GRK7: variants seen among roughly 807,000 people sequenced by gnomAD.
GRK7 encodes the protein rhodopsin kinase GRK7.
Under a neutral mutation model 34.1 loss-of-function variants are expected in GRK7, and 24 were observed. That is an observed-to-expected ratio of 0.70 (90% CI 0.51 to 0.99). The LOEUF (loss-of-function observed/expected upper bound fraction) is 0.99, where lower values mean the gene tolerates loss of function less well. Ranked by LOEUF, GRK7 falls within the 50% of genes least tolerant of loss-of-function variation. The pLI is 0.00. For synonymous variants in GRK7, 256 were observed against 279.4 expected (o/e 0.92, Z 0.84); for missense variants, 644 against 707.3 (o/e 0.91, Z 1.02).
intron 3 of GRK7, among the ~76,000 whole-genome samples, chr3:141,779,983 A>G (rs920013065): frequency 5.3e-5 from 8 of 152,216 alleles, no homozygotes; most frequent in Admixed American, 4.6e-4. Context: ...TTCATGCACA[A>G]GTATTTGTTT....
chr3:141,813,484 A>T (rs990142776), intron 5 of GRK7, among the ~76,000 whole-genome samples: 1 of 152,134 alleles, frequency 6.6e-6, no homozygotes, highest in Non-Finnish European at 1.5e-5. Flanking sequence ...AAGGCTCTTA[A>T]CCTACAAGAT....
chr3:141,772,435 C>T lies in GRK7; in HGVS notation c.-214-2145C>T, dbSNP rs527381361. ...GCTAATGTATTAGTCTGCTTCAGAA[C>T]TTACACTGCTCAAAATAGCTTCTCT... On this transcript the variant is annotated intron_variant, in intron 1 of 5. Transcript: ENST00000682958. Among the ~76,000 whole-genome samples the T allele has an allele frequency of 2.1e-3, 325 of 152,314 alleles. 2 individuals carry two copies. The highest frequency in any genetic ancestry group is 9.7e-3 in the South Asian group (47 of 4,828).
upstream of GRK7, among the ~76,000 whole-genome samples, chr3:141,763,117 G>A (rs956414986): frequency 5.9e-5 from 9 of 152,332 alleles, no homozygotes; most frequent in South Asian, 2.1e-4. Flanking sequence ...GCTGTAGACC[G>A]GAGCTGTTCC....
At chr3:141,753,078 C>T in the GRK7 span, among the ~76,000 whole-genome samples, 3 of 152,206 alleles carry the variant, frequency 2.0e-5, no homozygotes, top group Non-Finnish European at 2.9e-5. Context: ...TAATACCTGC[C>T]TAAGATGACA....
At chr3:141,800,920 C>T (rs991995338) in intron 4 of GRK7, among the ~76,000 whole-genome samples, 1 of 152,102 alleles carries the variant, frequency 6.6e-6, no homozygotes, top group African/African-American at 2.4e-5. Flanking sequence ...GAACTGTACA[C>T]GTTATTGTAT....
intron 4 of GRK7, among the ~76,000 whole-genome samples, chr3:141,792,104 A>T (rs2084727254): frequency 6.7e-6 from 1 of 149,836 alleles, no homozygotes; most frequent in Non-Finnish European, 1.5e-5. Flanking sequence ...GGGAAGATAG[A>T]ACTTAATAAA....
At chr3:141,763,134 G>A (rs563526356), upstream of GRK7, among the ~76,000 whole-genome samples, 8 of 152,320 alleles carry the variant, frequency 5.3e-5, no homozygotes, top group Admixed American at 5.2e-4. Flanking sequence ...TTCCTATTCG[G>A]CCATCTTGGC....
chr3:141,754,362 G>GA, the GRK7 span, among the ~76,000 whole-genome samples: 1 of 151,460 alleles, frequency 6.6e-6, no homozygotes, highest in Non-Finnish European at 1.5e-5. Context: ...ATGTTCTTGG[G>GA]AAAAAGGATT....
At chr3:141,784,949 C>T (rs550342069) in intron 4 of GRK7, among the ~76,000 whole-genome samples, 4 of 152,342 alleles carry the variant, frequency 2.6e-5, no homozygotes, top group Admixed American at 1.3e-4. Context: ...CTCAGCCCCA[C>T]GCGATGCCCT....
intron 4 of GRK7, among the ~76,000 whole-genome samples, chr3:141,799,158 T>C (rs1204704276): frequency 6.6e-6 from 1 of 152,114 alleles, no homozygotes; most frequent in Non-Finnish European, 1.5e-5. Context: ...GGGAAACATC[T>C]TTAGCAAGAA....
At chr3:141,758,777 C>T (rs1459161087), upstream of GRK7, among the ~76,000 whole-genome samples, 1 of 149,404 alleles carries the variant, frequency 6.7e-6, no homozygotes, top group Non-Finnish European at 1.5e-5. Flanking sequence ...TTGATTCTTC[C>T]AACCCATGAG....
At chr3:141,793,878 G>C (rs2084737335) in intron 4 of GRK7, among the ~76,000 whole-genome samples, 1 of 152,164 alleles carries the variant, frequency 6.6e-6, no homozygotes, top group Admixed American at 6.5e-5. Flanking sequence ...ACCAGCCATA[G>C]GGTTTGGATT....
intron 5 of GRK7, among the ~76,000 whole-genome samples, chr3:141,812,785 C>T (rs372233151): frequency 3.3e-5 from 5 of 152,106 alleles, no homozygotes; most frequent in African/African-American, 7.2e-5. Context: ...GCAAGTCTCC[C>T]GAGTTACCAA....
At chr3:141,763,089 G>C (rs1267013691), upstream of GRK7, among the ~76,000 whole-genome samples, 1 of 152,250 alleles carries the variant, frequency 6.6e-6, no homozygotes. Context: ...CCCGTCTTCT[G>C]TGTCGCTCAC....
chr3:141,758,938 A>G (rs1192009876), upstream of GRK7, among the ~76,000 whole-genome samples: 1 of 145,998 alleles, frequency 6.8e-6, no homozygotes, highest in Non-Finnish European at 1.5e-5. Context: ...GAGTTCACTC[A>G]TGATTTGGCT....
intron 4 of GRK7, among the ~76,000 whole-genome samples, chr3:141,785,938 C>A (rs1471187214): frequency 7.4e-5 from 10 of 135,834 alleles, no homozygotes; most frequent in South Asian, 2.4e-4. Context: ...TACCCTGTCT[C>A]AAAAAAAAAA....
chr3:141,782,914 T>C (rs1029361872), intron 4 of GRK7, among the ~76,000 whole-genome samples: 4 of 152,104 alleles, frequency 2.6e-5, no homozygotes, highest in Non-Finnish European at 5.9e-5. Context: ...AAAACCCAAA[T>C]AACAATAGAT....
chr3:141,776,331 A>G (rs2084638750), intron 2 of GRK7, among the ~76,000 whole-genome samples: 1 of 152,142 alleles, frequency 6.6e-6, no homozygotes, highest in South Asian at 2.1e-4. Flanking sequence ...AAATATGTAT[A>G]TATCTGTGAT....
chr3:141,768,546 C>T (rs956185007), intron 1 of GRK7, among the ~76,000 whole-genome samples: 7 of 152,236 alleles, frequency 4.6e-5, no homozygotes, highest in African/African-American at 1.7e-4. Context: ...TCCCAAAATG[C>T]TAGGATTACA....
Sources: allele counts gnomAD v4.1 joint callset (sites outside exome capture counted in the v4.1 genomes callset), GRCh38; gene constraint gnomAD v4.1.1; transcripts MANE v1.5; gene names NCBI Gene and HGNC (gene_info 2026-07-23, HGNC 2026-07-21).